The following TFCP2 variants were observed in gnomAD, a reference collection of about 807,000 sequenced individuals.
The protein encoded by TFCP2 is transcription factor CP2.
Under a neutral mutation model 73.4 loss-of-function variants are expected in TFCP2, and 33 were observed. The observed-to-expected ratio is 0.45, with a 90% confidence interval of 0.34 to 0.60. The LOEUF (loss-of-function observed/expected upper bound fraction) is 0.60, where lower values mean the gene tolerates loss of function less well. Among genes scored for constraint, TFCP2 ranks in the 20% least tolerant of loss-of-function variants. The probability of loss-of-function intolerance (pLI) is 0.01; values close to 1 mark genes in which losing one functional copy is unlikely to be tolerated. For synonymous variants in TFCP2, 193 were observed against 211.6 expected (o/e 0.91, Z 0.76); for missense variants, 352 against 604.0 (o/e 0.58, Z 4.37).
Position 51,109,176 on chromosome 12 carries a change from T to C in TFCP2, c.662A>G (p.Asn221Ser). The change falls in exon 6 of 15, where the codon AAC becomes AGC. Residue 221 changes from asparagine (N) to serine (S), a missense_variant. Physicochemically the swap from Asn to Ser is conservative, Grantham distance 46. This residue lies in a region of TFCP2 where 47 missense variants were observed against 89.1 expected (regional missense o/e 0.53). Coordinates refer to ENST00000257915, the MANE Select transcript of TFCP2 (RefSeq NM_005653.5). ...GTGTAAGTGCTCAGTATATTCCCCG[T>C]TTTCATTCTCCTTGAAGGTATCTAT... ...VQIDTFKENENGEYTEHLHSA... is the reference protein window; with the variant it reads ...VQIDTFKENESGEYTEHLHSA... The C allele has an allele frequency of 6.2e-7, 1 of 1,614,176 alleles. No individual in the cohort carries two copies. Among genetic ancestry groups the C allele is most frequent in the Non-Finnish European group, 8.5e-7 (1 of 1,180,030 alleles).
rs140030652 is a variant in TFCP2 at position 51,154,001 on chromosome 12, A to G, written c.122+18300T>C. The stretch of plus-strand genomic sequence containing the variant: ...TTTTACATTGCCACCAGCAATACAT[A>G]AAGGTTCCAATTCCTCTACATTCTT... On this transcript the variant is annotated intron_variant, in intron 1 of 14. Transcript: ENST00000257915. 1.6e-3 allele frequency among the ~76,000 whole-genome samples: 246 copies of G among 151,816 alleles called. 1 individual carries two copies. The highest frequency in any genetic ancestry group is 2.3e-3 in the Non-Finnish European group (159 of 67,980).
intron 11 of TFCP2, among the ~76,000 whole-genome samples, chr12:51,101,655 T>C (rs555516976): frequency 6.6e-6 from 1 of 152,292 alleles, no homozygotes; most frequent in Admixed American, 6.5e-5. Flanking sequence ...AATATATTAA[T>C]ATTCCCAGAG....
intron 1 of TFCP2, among the ~76,000 whole-genome samples, chr12:51,138,826 C>T (rs145830563): frequency 2.6e-3 from 392 of 152,004 alleles, no homozygotes; most frequent in African/African-American, 8.2e-3. Context: ...TCACTAGAGA[C>T]GGGGTTTCTC....
At position 51,132,357 on chromosome 12, in the gene TFCP2, C is replaced by CTTTTTTTTTTTTTTTTTTTTTTTTT. The variant is rs869123355; in HGVS notation, c.123-13610_123-13586dup. 4.9e-5 allele frequency among the ~76,000 whole-genome samples: 3 copies of CTTTTTTTTTTTTTTTTTTTTTTTTT among 61,766 alleles called. 1 individual carries two copies. The highest frequency in any genetic ancestry group is 5.9e-5 in the Non-Finnish European group (2 of 33,944). The allele number at this position is 61,766 out of a possible 152,430, so 40.5% of individuals were successfully genotyped here. On this transcript the variant is annotated intron_variant, in intron 1 of 14. Transcript: ENST00000257915. ...TGCAAGTTCTGGTTTAGGGATTAGT[C>CTTTTTTTTTTTTTTTTTTTTTTTTT]TTTTTTTTTTTTTTTTTTTTTTTTT...
In TFCP2 at chr12:51,096,118, C is replaced by T. The variant is rs143218790; in HGVS notation, c.1420-78G>A. 1.6e-5 allele frequency: 18 copies of T among 1,143,360 alleles called. No individual in the cohort carries two copies. In the Admixed American group the frequency reaches 2.9e-4, roughly 19 times the overall value. 70.8% of individuals were successfully genotyped at this position (1,143,360 alleles called of 1,614,324 possible). On this transcript the variant is annotated intron_variant, in intron 13 of 14. Coordinates refer to ENST00000257915, the MANE Select transcript of TFCP2 (RefSeq NM_005653.5). Reference sequence around the variant, plus strand: ...TATTCCTGTGTCCCTAAGGACTACCCCACATCCAGAGGGATTTATATGGGA... The same window carrying T: ...TATTCCTGTGTCCCTAAGGACTACCTCACATCCAGAGGGATTTATATGGGA...
chr12:51,112,096 T>C (rs1206347795), intron 4 of TFCP2, among the ~76,000 whole-genome samples: 3 of 151,900 alleles, frequency 2.0e-5, no homozygotes, highest in African/African-American at 7.3e-5. Context: ...GAGGCGGAGG[T>C]TGCAGTGAGC....
intron 1 of TFCP2, among the ~76,000 whole-genome samples, chr12:51,139,432 G>A (rs934216949): frequency 5.3e-5 from 8 of 152,154 alleles, no homozygotes; most frequent in East Asian, 3.9e-4. Context: ...GAGCAGTGGC[G>A]TGATCATAGC....
chr12:51,120,177 C>CAAAAAAAAAAAAAAAAA (rs33982936), intron 1 of TFCP2, among the ~76,000 whole-genome samples: 1 of 57,306 alleles, frequency 1.7e-5, no homozygotes, highest in Non-Finnish European at 3.0e-5. Flanking sequence ...GACTCTGTCT[C>CAAAAAAAAAAAAAAAAA]AAAAAAAAAA....
chr12:51,159,861 T>C (rs1469861496), intron 1 of TFCP2, among the ~76,000 whole-genome samples: 1 of 152,098 alleles, frequency 6.6e-6, no homozygotes, highest in African/African-American at 2.4e-5. Context: ...TCCAGGAACA[T>C]GTGCACAGCT....
In TFCP2 at chr12:51,099,639, G is replaced by A; in HGVS notation, c.1276+16C>T. On this transcript the variant is annotated intron_variant, in intron 12 of 14. Coordinates refer to ENST00000257915, the MANE Select transcript of TFCP2 (RefSeq NM_005653.5). ...CCTTTCTTCATATCTGTCCTAGTGT[G>A]TCCAGAACAACCTACCGAAGAAAGT... The A allele has an allele frequency of 1.9e-6, 3 of 1,614,082 alleles. No homozygotes were observed. Among genetic ancestry groups the A allele is most frequent in the Non-Finnish European group, 2.5e-6 (3 of 1,179,990 alleles).
intron 8 of TFCP2, among the ~76,000 whole-genome samples, 163 bp downstream of exon 8, chr12:51,106,362 G>T (rs548263949): frequency 6.6e-6 from 1 of 152,080 alleles, no homozygotes; most frequent in African/African-American, 2.4e-5. Context: ...AAACTCTTTC[G>T]ATCTCTTTTG....
intron 8 of TFCP2, 42 bp downstream of exon 8, chr12:51,106,483 T>C (rs1249647960): frequency 7.0e-6 from 10 of 1,420,596 alleles, no homozygotes; most frequent in East Asian, 6.9e-5. Flanking sequence ...AAAGAATATA[T>C]ATTTTGGACA....
intron 1 of TFCP2, among the ~76,000 whole-genome samples, chr12:51,126,001 C>CA (rs2136995593): frequency 6.6e-6 from 1 of 151,912 alleles, no homozygotes; most frequent in South Asian, 2.1e-4. Context: ...GAGGCTGAGG[C>CA]AGGTGGATCA....
chr12:51,154,379 A>G (rs553022228), intron 1 of TFCP2, among the ~76,000 whole-genome samples: 1 of 152,352 alleles, frequency 6.6e-6, no homozygotes, highest in South Asian at 2.1e-4. Flanking sequence ...AAATAAAACT[A>G]TAACAATATA....
chr12:51,172,805 G>GC lies in TFCP2; in HGVS notation c.-384dup. On this transcript the variant is annotated 5_prime_UTR_variant, in exon 1 of 15. Transcript: ENST00000257915. ...AGCAGCCGCAGGAAGCCAGCCCGGC[G>GC]CTCCCACGCTGCTTTTGCACCTTTT... The GC allele has an allele frequency of 5.6e-6, 1 of 179,398 alleles. No individual in the cohort carries two copies. The highest frequency in any genetic ancestry group is 2.4e-5 in the African/African-American group (1 of 42,250). 11.1% of individuals were successfully genotyped at this position (179,398 alleles called of 1,614,324 possible). A position where few individuals can be genotyped will look rare whatever the true frequency, so the allele number is the denominator to read the frequency against.
intron 10 of TFCP2, among the ~76,000 whole-genome samples, chr12:51,102,639 C>T (rs1480245846): frequency 1.3e-5 from 2 of 152,056 alleles, no homozygotes; most frequent in African/African-American, 2.4e-5. Context: ...GCAGGAGAAT[C>T]GCTTGAACCC....
intron 1 of TFCP2, among the ~76,000 whole-genome samples, chr12:51,140,645 T>C (rs1183074282): frequency 6.6e-6 from 1 of 150,890 alleles, no homozygotes; most frequent in East Asian, 2.0e-4. Context: ...CAGGCTGGAG[T>C]GTAGTGGTGC....
chr12:51,117,231 CCT>C (rs1448900463), intron 3 of TFCP2, among the ~76,000 whole-genome samples: 1 of 152,186 alleles, frequency 6.6e-6, no homozygotes, highest in Non-Finnish European at 1.5e-5. Flanking sequence ...TGACAAAACT[CCT>C]CTGTTTCAAC....
intron 14 of TFCP2, 42 bp downstream of exon 14, chr12:51,095,947 G>C: frequency 6.5e-7 from 1 of 1,549,388 alleles, no homozygotes; most frequent in Non-Finnish European, 8.9e-7. Context: ...TAGTAGTAAA[G>C]CTGTTAAACT....
Sources: gnomAD v4.1 joint callset for allele counts (sites outside exome capture counted in the v4.1 genomes callset) on GRCh38, gnomAD v4.1.1 for gene constraint, gnomAD v4.1.1 regional missense constraint, MANE v1.5 for transcripts, NCBI Gene and HGNC (gene_info 2026-07-23, HGNC 2026-07-21) for gene names.